Variants in PRTG observed in about 807,000 individuals in gnomAD.
The protein encoded by PRTG is immunoglobulin superfamily, DCC subclass, member 5.
A neutral mutation model predicts 122.5 loss-of-function variants in PRTG; 67 were observed. The ratio of observed to expected loss-of-function variants is 0.55; its 90% CI spans 0.45 to 0.67. PRTG has a LOEUF of 0.67. PRTG is among the 30% of genes least tolerant of loss of function. The probability of loss-of-function intolerance (pLI) is 0.00; values close to 1 mark genes in which losing one functional copy is unlikely to be tolerated. For synonymous variants in PRTG, 554 were observed against 501.1 expected, an observed-to-expected ratio of 1.11 and a Z score of -1.41; for missense variants, 1,435 against 1,415.4, an observed-to-expected ratio of 1.01 and a Z score of -0.22.
rs369450471 is a variant in PRTG at position 55,727,533 on chromosome 15, C to T, written c.397+12849G>A. On this transcript the variant is annotated intron_variant, in intron 2 of 19. Coordinates refer to ENST00000389286, the MANE Select transcript of PRTG (RefSeq NM_173814.6). ...ACAATAGGCCGGACATGGTGGCTCA[C>T]GCCTGTAATCCCAGCACTTTGGGAG... is the stretch of plus-strand genomic sequence containing the variant. Among the ~76,000 whole-genome samples, 14 of 152,240 alleles carry T rather than the reference C, an allele frequency of 9.2e-5. No individual in the cohort carries two copies. In the South Asian group the frequency reaches 2.5e-3, roughly 27 times the overall value.
intron 11 of PRTG, among the ~76,000 whole-genome samples, chr15:55,664,467 A>C (rs761431403): frequency 3.9e-5 from 6 of 152,046 alleles, no homozygotes; most frequent in African/African-American, 7.2e-5. Context: ...TTAATATAAA[A>C]ATTTATAAAA....
intron 2 of PRTG, among the ~76,000 whole-genome samples, chr15:55,705,097 T>C (rs1282544345): frequency 1.3e-5 from 2 of 152,184 alleles, no homozygotes; most frequent in African/African-American, 2.4e-5. Flanking sequence ...TAGGGAAATA[T>C]GTTCCATTTG....
rs2059124794 is a variant in PRTG at position 55,612,581 on chromosome 15, A to C, written c.*7431T>G. 1 of 151,604 alleles carries C rather than the reference A, an allele frequency of 6.6e-6. No homozygotes were observed. Among genetic ancestry groups the C allele is most frequent in the Non-Finnish European group, 1.5e-5 (1 of 67,848 alleles). The allele number at this position is 151,604 out of a possible 1,614,324, so 9.4% of individuals were successfully genotyped here. A position where few individuals can be genotyped will look rare whatever the true frequency, so the allele number is the denominator to read the frequency against. ...TTGGAATAGTTTGCAGAAATATTAA[A>C]ATACTCCATAATCTTGAAAAAGATC... On this transcript the variant is annotated 3_prime_UTR_variant, in exon 20 of 20. Transcript: ENST00000389286.
In PRTG at chr15:55,620,021, G is replaced by A. The variant is rs370777308; in HGVS notation, c.3444C>T (p.Pro1148=). 52 of 1,613,922 alleles carry A rather than the reference G, an allele frequency of 3.2e-5. No individual in the cohort carries two copies. Among genetic ancestry groups the A allele is most frequent in the Non-Finnish European group, 4.2e-5 (50 of 1,179,928 alleles). The change falls in exon 20 of 20, where the codon CCC becomes CCT. Residue 1148 remains proline (P), a synonymous_variant. Coordinates refer to ENST00000389286, the MANE Select transcript of PRTG (RefSeq NM_173814.6). ...ACTGCCAGTGAAAGAATCAGAGGTTGGGGGGTGTGGTACTTATAACTGAGG... is the reference window on the plus strand; with the variant it reads ...ACTGCCAGTGAAAGAATCAGAGGTTAGGGGGTGTGGTACTTATAACTGAGG... The part of the protein sequence containing the change: ...HLSSVISTTP[P]NL
At chr15:55,639,583 T>G (rs1198768059) in intron 13 of PRTG, 59 bp downstream of exon 13, 9 of 1,455,842 alleles carry the variant, frequency 6.2e-6, no homozygotes, top group Admixed American at 1.8e-5. Context: ...GAGGTAGAAG[T>G]TGGAGTGGGG....
chr15:55,707,893 A>C (rs1324389683), intron 2 of PRTG, among the ~76,000 whole-genome samples: 1 of 152,162 alleles, frequency 6.6e-6, no homozygotes, highest in African/African-American at 2.4e-5. Flanking sequence ...TCTATTCACC[A>C]CCTTATGCAA....
Position 55,742,875 on chromosome 15 carries a change from G to A in PRTG, c.57C>T (p.Arg19=). Residue 19 remains arginine (R), a synonymous_variant, in exon 1 of 20, where the codon CGC becomes CGT. Coordinates refer to ENST00000389286, the MANE Select transcript of PRTG (RefSeq NM_173814.6). ...TGAGCAGCAGCAGGAGCAGGAGCGC[G>A]CGGAGCAGCATCCCCGGCGGTCGCA... ...ARLRPPGMLL[R]ALLLLLLLSP... The A allele has an allele frequency of 1.3e-6, 2 of 1,536,326 alleles. No homozygotes were observed. The highest frequency in any genetic ancestry group is 1.8e-6 in the Non-Finnish European group (2 of 1,140,504).
chr15:55,740,169 T>C (rs2031562583), intron 2 of PRTG, among the ~76,000 whole-genome samples: 1 of 152,266 alleles, frequency 6.6e-6, no homozygotes, highest in Non-Finnish European at 1.5e-5. Flanking sequence ...CTTGGTGTTC[T>C]AAACCTAATT....
chr15:55,654,129 A>T (rs1178083638), intron 11 of PRTG, among the ~76,000 whole-genome samples: 1 of 152,182 alleles, frequency 6.6e-6, no homozygotes, highest in Admixed American at 6.5e-5. Flanking sequence ...TACTTCTCTA[A>T]TGGAAGACTT....
chr15:55,741,307 CTT>C (rs1464401187), intron 1 of PRTG, among the ~76,000 whole-genome samples: 2 of 152,214 alleles, frequency 1.3e-5, no homozygotes, highest in African/African-American at 2.4e-5. Context: ...AAACAATAGA[CTT>C]TGAAAAGTTG....
rs73408330 is a variant in PRTG at position 55,682,348 on chromosome 15, C to A, written c.676+16G>T. 1.3e-6 allele frequency: 2 copies of A among 1,555,778 alleles called. No homozygotes were observed. Among genetic ancestry groups the A allele is most frequent in the Non-Finnish European group, 1.7e-6 (2 of 1,148,028 alleles). On this transcript the variant is annotated intron_variant, in intron 4 of 19. Coordinates refer to ENST00000389286, the MANE Select transcript of PRTG (RefSeq NM_173814.6). ...ATAAAACGTCATAAAAATGGAAAAA[C>A]CACTCTGCGTGGTACCTGGAATCAC...
intron 11 of PRTG, among the ~76,000 whole-genome samples, chr15:55,665,627 C>T (rs896487558): frequency 6.6e-6 from 1 of 151,016 alleles, no homozygotes; most frequent in Non-Finnish European, 1.5e-5. Context: ...TTCACTGCAA[C>T]CTCTAGCTTC....
intron 15 of PRTG, among the ~76,000 whole-genome samples, chr15:55,635,514 G>A (rs747793850): frequency 1.3e-5 from 2 of 152,190 alleles, no homozygotes; most frequent in Admixed American, 6.5e-5. Flanking sequence ...AGAATTGTGA[G>A]AAAACAAAAT....
chr15:55,672,186 C>T (rs2059475735), intron 11 of PRTG, among the ~76,000 whole-genome samples: 1 of 152,102 alleles, frequency 6.6e-6, no homozygotes, highest in South Asian at 2.1e-4. Context: ...GAAGTGAACG[C>T]CACAAAGAAA....
At chr15:55,735,718 TA>T (rs35182605) in intron 2 of PRTG, among the ~76,000 whole-genome samples, 261 of 114,270 alleles carry the variant, frequency 2.3e-3, no homozygotes, top group South Asian at 5.4e-3. Context: ...CATGCTTTGC[TA>T]AAAAAAAAAA....
At chr15:55,638,476 T>G in intron 14 of PRTG, 73 bp downstream of exon 14, 2 of 1,201,154 alleles carry the variant, frequency 1.7e-6, no homozygotes, top group Non-Finnish European at 1.2e-6. Context: ...CTACACAGAA[T>G]GACATACATA....
At chr15:55,678,973 T>C (rs755104648) in intron 7 of PRTG, among the ~76,000 whole-genome samples, 12 of 152,236 alleles carry the variant, frequency 7.9e-5, no homozygotes, top group Non-Finnish European at 1.2e-4. Context: ...AAGGAGCTAA[T>C]ATGCTTTCTT....
intron 14 of PRTG, among the ~76,000 whole-genome samples, chr15:55,637,834 C>T (rs2059266435): frequency 1.3e-5 from 2 of 152,040 alleles, no homozygotes; most frequent in Admixed American, 6.6e-5. Context: ...AATAATATAT[C>T]TGTGAAAAAC....
chr15:55,630,905 T>C (rs372462160), intron 15 of PRTG, among the ~76,000 whole-genome samples: 1 of 152,202 alleles, frequency 6.6e-6, no homozygotes, highest in Non-Finnish European at 1.5e-5. Context: ...GAGTTTACAA[T>C]AGTTTGTGAC....
Sources: gnomAD v4.1 joint callset for allele counts (sites outside exome capture counted in the v4.1 genomes callset) on GRCh38, gnomAD v4.1.1 for gene constraint, MANE v1.5 for transcripts, NCBI Gene and HGNC (gene_info 2026-07-23, HGNC 2026-07-21) for gene names.